UNC5C: variants seen among roughly 807,000 people sequenced by gnomAD.
UNC5C encodes netrin receptor UNC5C.
In UNC5C, 47 loss-of-function variants were observed where a neutral mutation model predicts 99.8. The ratio of observed to expected loss-of-function variants is 0.47; its 90% CI spans 0.37 to 0.60. The LOEUF (loss-of-function observed/expected upper bound fraction) is 0.60. Among genes scored for constraint, UNC5C ranks in the 20% least tolerant of loss-of-function variants. The probability of loss-of-function intolerance (pLI) is 0.00; values close to 1 mark genes in which losing one functional copy is unlikely to be tolerated. For missense variants in UNC5C, 1,062 were observed against 1,165.9 expected, an observed-to-expected ratio of 0.91 and a Z score of 1.30; for synonymous variants, 487 against 452.2, an observed-to-expected ratio of 1.08 and a Z score of -0.98.
intron 1 of UNC5C, among the ~76,000 whole-genome samples, chr4:95,369,248 A>C (rs963087950): frequency 3.9e-5 from 6 of 151,938 alleles, no homozygotes; most frequent in African/African-American, 1.5e-4. Flanking sequence ...GTTTTCATAA[A>C]ATTTATAGTT....
chr4:95,475,432 A>G (rs1057489110), intron 1 of UNC5C, among the ~76,000 whole-genome samples: 8 of 152,040 alleles, frequency 5.3e-5, no homozygotes, highest in African/African-American at 1.9e-4. Flanking sequence ...AGAGAATTCA[A>G]TGATGGCGTA....
At chr4:95,355,680 C>T (rs1195984763) in intron 1 of UNC5C, among the ~76,000 whole-genome samples, 1 of 151,834 alleles carries the variant, frequency 6.6e-6, no homozygotes, top group Admixed American at 6.6e-5. Flanking sequence ...TCTGGAGTAC[C>T]CAGCCATGGT....
intron 5 of UNC5C, among the ~76,000 whole-genome samples, chr4:95,245,814 G>T (rs1317953141): frequency 1.3e-5 from 2 of 152,188 alleles, no homozygotes; most frequent in Non-Finnish European, 2.9e-5. Context: ...TACACCGTAA[G>T]ACTGCACACT....
intron 1 of UNC5C, among the ~76,000 whole-genome samples, chr4:95,363,284 A>G (rs982364051): frequency 6.6e-6 from 1 of 152,172 alleles, no homozygotes; most frequent in African/African-American, 2.4e-5. Flanking sequence ...ATCATTTGTT[A>G]GTGATCATTT....
intron 14 of UNC5C, among the ~76,000 whole-genome samples, chr4:95,173,622 G>A (rs1736215876): frequency 6.8e-6 from 1 of 146,572 alleles, no homozygotes; most frequent in South Asian, 2.2e-4. Context: ...GCTTTTTGAT[G>A]TGCTGCTGGA....
chr4:95,219,437 T>A, intron 8 of UNC5C, 124 bp from the exon 9 acceptor site: 1 of 877,832 alleles, frequency 1.1e-6, no homozygotes, highest in South Asian at 1.7e-5. Flanking sequence ...CGGAGATAGA[T>A]AGACAGGCTC....
intron 1 of UNC5C, among the ~76,000 whole-genome samples, chr4:95,547,033 A>G (rs1723087738): frequency 2.0e-5 from 3 of 151,754 alleles, no homozygotes; most frequent in Non-Finnish European, 4.4e-5. Context: ...GACTATTCAT[A>G]AGGTTGTTCA....
At chr4:95,482,011 G>T (rs1323981874) in intron 1 of UNC5C, among the ~76,000 whole-genome samples, 1 of 152,080 alleles carries the variant, frequency 6.6e-6, no homozygotes, top group African/African-American at 2.4e-5. Flanking sequence ...TGACAAATGG[G>T]ATCTAATTAA....
At chr4:95,260,064 C>T (rs951125127) in intron 4 of UNC5C, among the ~76,000 whole-genome samples, 20 of 152,166 alleles carry the variant, frequency 1.3e-4, no homozygotes, top group Non-Finnish European at 2.4e-4. Context: ...CCTGAAAGTA[C>T]ACCTATGTTG....
chr4:95,211,764 T>C (rs1223397756), intron 10 of UNC5C, among the ~76,000 whole-genome samples: 1 of 152,066 alleles, frequency 6.6e-6, no homozygotes, highest in Non-Finnish European at 1.5e-5. Context: ...TTTTCTTACC[T>C]TTTTTATCCA....
intron 1 of UNC5C, among the ~76,000 whole-genome samples, chr4:95,502,891 T>C (rs1293130966): frequency 6.6e-6 from 1 of 152,172 alleles, no homozygotes; most frequent in African/African-American, 2.4e-5. Flanking sequence ...AGATATCACA[T>C]CCAAGATTAT....
intron 1 of UNC5C, among the ~76,000 whole-genome samples, chr4:95,476,537 G>C (rs1748153640): frequency 6.6e-6 from 1 of 151,920 alleles, no homozygotes; most frequent in Non-Finnish European, 1.5e-5. Context: ...TTTCGGAGAA[G>C]ACTTCCTTTG....
intron 1 of UNC5C, among the ~76,000 whole-genome samples, chr4:95,430,014 A>G (rs181047996): frequency 1.9e-4 from 29 of 152,176 alleles, no homozygotes; most frequent in Non-Finnish European, 2.2e-4. Context: ...GGGGAGGGAG[A>G]GATGAACTGG....
intron 3 of UNC5C, among the ~76,000 whole-genome samples, chr4:95,285,034 G>T (rs1363396326): frequency 6.6e-6 from 1 of 152,198 alleles, no homozygotes; most frequent in Non-Finnish European, 1.5e-5. Flanking sequence ...GCATCTCCCT[G>T]TGTTAGCTAA....
rs117609996 is a variant in UNC5C, at chr4:95,519,933, A to T, written c.124+28801T>A. On this transcript the variant is annotated intron_variant, in intron 1 of 15. Coordinates refer to ENST00000453304, the MANE Select transcript of UNC5C (RefSeq NM_003728.4). ...AATGAAGAAGCTGTACTCCCAAAAG[A>T]GTCATTAACCCAGACATTCAGTGCC... Among the ~76,000 whole-genome samples the T allele has an allele frequency of 8.1e-3, 1,234 of 152,374 alleles. 36 individuals carry two copies. The East Asian group carries it at 0.083, about 10-fold the overall frequency.
chr4:95,367,090 T>A (rs899311033), intron 1 of UNC5C, among the ~76,000 whole-genome samples: 2 of 152,082 alleles, frequency 1.3e-5, no homozygotes, highest in Admixed American at 1.3e-4. Flanking sequence ...ATTTAACATA[T>A]TATATAAAGG....
At chr4:95,261,190 C>T (rs1740212276) in intron 4 of UNC5C, among the ~76,000 whole-genome samples, 1 of 152,148 alleles carries the variant, frequency 6.6e-6, no homozygotes. Flanking sequence ...ATTTTAGCTA[C>T]TCCAGGACTT....
intron 14 of UNC5C, among the ~76,000 whole-genome samples, chr4:95,178,670 T>A (rs1447361182): frequency 6.6e-6 from 1 of 152,212 alleles, no homozygotes; most frequent in East Asian, 1.9e-4. Context: ...CAACTAAATG[T>A]GGAAGTTAAA....
chr4:95,424,557 T>C (rs1746417351), intron 1 of UNC5C, among the ~76,000 whole-genome samples: 1 of 142,908 alleles, frequency 7.0e-6, no homozygotes, highest in Non-Finnish European at 1.5e-5. Context: ...CTTCTTGCTC[T>C]GTGGCCCTGG....
Sources: gnomAD v4.1 joint callset for allele counts (sites outside exome capture counted in the v4.1 genomes callset) on GRCh38, gnomAD v4.1.1 for gene constraint, MANE v1.5 for transcripts, NCBI Gene and HGNC (gene_info 2026-07-23, HGNC 2026-07-21) for gene names.